Variants in YWHAZ observed in about 807,000 individuals in gnomAD.
YWHAZ encodes tyrosine 3-monooxygenase/tryptophan 5-monooxygenase activation protein zeta, also known as 14-3-3 protein zeta/delta.
For synonymous variants in YWHAZ, 87 were observed against 103.6 expected (o/e 0.84, Z 0.97); for missense variants, 79 against 284.8 (o/e 0.28, Z 5.20).
intron 2 of YWHAZ, among the ~76,000 whole-genome samples, chr8:100,940,803 C>G (rs541136542): frequency 6.6e-6 from 1 of 152,254 alleles, no homozygotes; most frequent in South Asian, 2.1e-4. Flanking sequence ...AAACTTGCCC[C>G]AAATCACACA....
At chr8:100,931,877 A>G (rs910240789) in intron 2 of YWHAZ, among the ~76,000 whole-genome samples, 4 of 152,246 alleles carry the variant, frequency 2.6e-5, no homozygotes, top group Admixed American at 2.6e-4. Flanking sequence ...AGGATGCAAA[A>G]AAGTTTTCAT....
chr8:100,951,732 A>C, intron 1 of YWHAZ, 197 bp downstream of exon 1: 1 of 985,266 alleles, frequency 1.0e-6, no homozygotes, highest in Non-Finnish European at 1.2e-6. Flanking sequence ...AAGGAGCCGG[A>C]GGCGGCCGCT....
upstream of YWHAZ, chr8:100,952,173 G>C: frequency 1.0e-5 from 10 of 984,678 alleles, no homozygotes; most frequent in South Asian, 1.4e-4. Flanking sequence ...GGGGCCCCGC[G>C]TAACCGCCGC....
intron 1 of YWHAZ, chr8:100,951,082 A>T: frequency 5.3e-5 from 32 of 599,024 alleles, no homozygotes; most frequent in Non-Finnish European, 6.3e-5. Flanking sequence ...AAAAAGTCAG[A>T]CCCATCCCCC....
At chr8:100,933,735 G>T (rs1813923222) in intron 2 of YWHAZ, among the ~76,000 whole-genome samples, 1 of 152,118 alleles carries the variant, frequency 6.6e-6, no homozygotes, top group Non-Finnish European at 1.5e-5. Flanking sequence ...GGCCAGGTGT[G>T]GTGGCTTATA....
chr8:100,937,913 C>T (rs1468651944), intron 2 of YWHAZ, among the ~76,000 whole-genome samples: 1 of 152,130 alleles, frequency 6.6e-6, no homozygotes, highest in Non-Finnish European at 1.5e-5. Flanking sequence ...GGAGGATGAC[C>T]TGAGGTCAGG....
intron 1 of YWHAZ, among the ~76,000 whole-genome samples, chr8:100,949,646 G>A (rs1345354102): frequency 2.0e-5 from 3 of 152,180 alleles, no homozygotes; most frequent in Non-Finnish European, 4.4e-5. Flanking sequence ...CTTACTGTGA[G>A]TACTAGAATA....
chr8:100,939,466 C>G (rs973089038), intron 2 of YWHAZ, among the ~76,000 whole-genome samples: 3 of 151,106 alleles, frequency 2.0e-5, no homozygotes, highest in Admixed American at 6.6e-5. Flanking sequence ...TCAAGACCAG[C>G]CTTACCAACA....
At chr8:100,950,145 C>T (rs1810601825) in intron 1 of YWHAZ, among the ~76,000 whole-genome samples, 1 of 152,168 alleles carries the variant, frequency 6.6e-6, no homozygotes, top group South Asian at 2.1e-4. Context: ...GGTACTGGCT[C>T]AATACGTAAA....
At chr8:100,933,856 T>C (rs1813931882) in intron 2 of YWHAZ, among the ~76,000 whole-genome samples, 2 of 152,050 alleles carry the variant, frequency 1.3e-5, no homozygotes, top group East Asian at 3.9e-4. Flanking sequence ...AAAAATAATT[T>C]AAAAACTTAG....
chr8:100,951,716 G>A (rs1274224219), intron 1 of YWHAZ: 2 of 985,440 alleles, frequency 2.0e-6, no homozygotes, highest in Non-Finnish European at 2.4e-6. Flanking sequence ...GCGTCGATGC[G>A]GAAGCAAGGA....
At chr8:100,950,301 T>G in intron 1 of YWHAZ, 1 of 884,020 alleles carries the variant, frequency 1.1e-6, no homozygotes, top group Non-Finnish European at 1.4e-6. Context: ...CCCCAATCAC[T>G]TCGGTACAAG....
chr8:100,952,741 GT>G (rs1810894765), upstream of YWHAZ: 1 of 973,464 alleles, frequency 1.0e-6, no homozygotes, highest in Non-Finnish European at 1.2e-6. Flanking sequence ...GCAAGGGAGG[GT>G]TGTGTGTGGT....
chr8:100,941,010 A>G (rs866147993), intron 2 of YWHAZ, among the ~76,000 whole-genome samples: 1 of 151,598 alleles, frequency 6.6e-6, no homozygotes, highest in Admixed American at 6.5e-5. Context: ...ATCAAAGGGC[A>G]ACTGGGAAGG....
chr8:100,946,139 A>G (rs763607753), intron 2 of YWHAZ, among the ~76,000 whole-genome samples: 2 of 152,184 alleles, frequency 1.3e-5, no homozygotes, highest in African/African-American at 4.8e-5. Context: ...TAATCATAAC[A>G]AGAAGAAACT....
rs1417453905 is a variant in YWHAZ at position 100,919,826 on chromosome 8, C to T, written c.*867G>A. The T allele has an allele frequency of 6.7e-6, 1 of 149,318 alleles. No individual in the cohort carries two copies. The highest frequency in any genetic ancestry group is 2.0e-4 in the East Asian group (1 of 5,110). 9.2% of individuals were successfully genotyped at this position (149,318 alleles called of 1,614,324 possible). On this transcript the variant is annotated 3_prime_UTR_variant, in exon 6 of 6. Coordinates refer to ENST00000395958, the MANE Select transcript of YWHAZ (RefSeq NM_145690.3). ...AGCTAGCCATCATCTCAAGTTATTT[C>T]CCTGTTAACTATTTTTACAGCACAT... is the stretch of plus-strand genomic sequence containing the variant.
upstream of YWHAZ, chr8:100,952,647 A>T (rs1382224396): frequency 1.3e-5 from 5 of 396,058 alleles, no homozygotes; most frequent in African/African-American, 2.2e-5. Context: ...GGGCAGGATG[A>T]CAAGGGTGGC....
intron 1 of YWHAZ, chr8:100,951,508 G>T: frequency 1.0e-6 from 1 of 985,770 alleles, no homozygotes; most frequent in Non-Finnish European, 1.2e-6. Flanking sequence ...ATCTCGGGCG[G>T]AAGCGAGAAG....
intron 2 of YWHAZ, among the ~76,000 whole-genome samples, chr8:100,936,247 C>T (rs752773884): frequency 4.3e-4 from 65 of 152,166 alleles, no homozygotes; most frequent in Non-Finnish European, 3.4e-4. Context: ...ACAGAGGCAG[C>T]TTATTTAAAA....
Sources: gnomAD v4.1 joint callset for allele counts (sites outside exome capture counted in the v4.1 genomes callset) on GRCh38, gnomAD v4.1.1 for gene constraint, MANE v1.5 for transcripts, NCBI Gene and HGNC (gene_info 2026-07-23, HGNC 2026-07-21) for gene names.